TENM2: variants seen among roughly 807,000 people sequenced by gnomAD.
TENM2 encodes teneurin-2.
A neutral mutation model predicts 245.2 loss-of-function variants in TENM2; 52 were observed. That is an observed-to-expected ratio of 0.21 (90% CI 0.17 to 0.27). The LOEUF (loss-of-function observed/expected upper bound fraction) is 0.27, where lower values mean the gene tolerates loss of function less well. TENM2 is among the 10% of genes least tolerant of loss of function. TENM2 has a pLI of 1.00. For missense variants in TENM2, 3,046 were observed against 3,666.8 expected, an observed-to-expected ratio of 0.83 and a Z score of 4.37; for synonymous variants, 1,363 against 1,438.9, an observed-to-expected ratio of 0.95 and a Z score of 1.19.
chr5:167,337,103 G>A (rs1455367529), intron 1 of TENM2, among the ~76,000 whole-genome samples: 1 of 122,176 alleles, frequency 8.2e-6, no homozygotes, highest in Admixed American at 9.7e-5. Flanking sequence ...CGGCCTGGGC[G>A]ACAGAGGGAG....
intron 2 of TENM2, among the ~76,000 whole-genome samples, chr5:167,777,098 ATT>A (rs1310391112): frequency 6.6e-6 from 1 of 152,248 alleles, no homozygotes. Flanking sequence ...GGGGAGGGTT[ATT>A]AAAGACTGGC....
At chr5:167,555,042 G>A (rs566355094) in intron 2 of TENM2, among the ~76,000 whole-genome samples, 3 of 152,226 alleles carry the variant, frequency 2.0e-5, no homozygotes, top group Admixed American at 2.0e-4. Flanking sequence ...GGTACCAATT[G>A]AAGTAAACAC....
the TENM2 span, among the ~76,000 whole-genome samples, chr5:167,140,818 G>A: frequency 6.6e-6 from 1 of 152,078 alleles, no homozygotes. Context: ...CACAGGCAAT[G>A]GGGAATTCTC....
chr5:167,294,849 A>G (rs1040100773), intron 1 of TENM2, among the ~76,000 whole-genome samples: 5 of 152,232 alleles, frequency 3.3e-5, no homozygotes, highest in African/African-American at 1.2e-4. Flanking sequence ...AATTGCAAAA[A>G]TATCACGGAT....
chr5:168,215,699 T>C (rs1431660507), intron 21 of TENM2, among the ~76,000 whole-genome samples: 1 of 152,176 alleles, frequency 6.6e-6, no homozygotes, highest in Non-Finnish European at 1.5e-5. Context: ...TATTTATTTA[T>C]TTGAAGAAAA....
At chr5:167,677,990 T>G (rs1756448792) in intron 2 of TENM2, among the ~76,000 whole-genome samples, 1 of 152,090 alleles carries the variant, frequency 6.6e-6, no homozygotes, top group East Asian at 1.9e-4. Context: ...GCTAAAATCA[T>G]GATATAGAAT....
chr5:168,137,258 G>C (rs571857656), intron 12 of TENM2, among the ~76,000 whole-genome samples: 1 of 152,348 alleles, frequency 6.6e-6, no homozygotes, highest in Non-Finnish European at 1.5e-5. Flanking sequence ...AAGTTGGTTA[G>C]AGGTTGGCCC....
At chr5:167,293,024 G>A (rs1162000363) in intron 1 of TENM2, among the ~76,000 whole-genome samples, 1 of 152,228 alleles carries the variant, frequency 6.6e-6, no homozygotes, top group Non-Finnish European at 1.5e-5. Flanking sequence ...GAGTGGCAGA[G>A]AGAGACAGTC....
At chr5:167,599,362 T>G (rs77344511) in intron 2 of TENM2, among the ~76,000 whole-genome samples, 1 of 152,160 alleles carries the variant, frequency 6.6e-6, no homozygotes, top group Non-Finnish European at 1.5e-5. Flanking sequence ...ATTTTTTTTT[T>G]ACAAAACCAC....
At chr5:168,068,102 A>G (rs1210277020) in intron 7 of TENM2, among the ~76,000 whole-genome samples, 4 of 152,094 alleles carry the variant, frequency 2.6e-5, no homozygotes, top group Non-Finnish European at 5.9e-5. Flanking sequence ...GGAGACAGGA[A>G]CTGAAACTGC....
chr5:167,010,261 T>C, the TENM2 span, among the ~76,000 whole-genome samples: 1 of 152,272 alleles, frequency 6.6e-6, no homozygotes, highest in Non-Finnish European at 1.5e-5. Flanking sequence ...TGCATGCCTG[T>C]AGTCCCAGCT....
chr5:167,018,326 A>T, the TENM2 span, among the ~76,000 whole-genome samples: 1 of 152,112 alleles, frequency 6.6e-6, no homozygotes, highest in South Asian at 2.1e-4. Flanking sequence ...TTCAGGCAAC[A>T]ATAAAGCTAA....
At chr5:168,082,619 C>CCTTTCTGTTTGTTAGTTTTCCTT (rs1792104208) in intron 7 of TENM2, among the ~76,000 whole-genome samples, 2 of 152,068 alleles carry the variant, frequency 1.3e-5, no homozygotes, top group East Asian at 3.9e-4. Flanking sequence ...GTGTGGATGT[C>CCTTTCTGTTTGTTAGTTTTCCTT]CTTTCTGTTT....
intron 2 of TENM2, among the ~76,000 whole-genome samples, chr5:167,793,938 C>T (rs1426906275): frequency 1.3e-5 from 2 of 151,654 alleles, no homozygotes; most frequent in African/African-American, 4.8e-5. Context: ...TCTTCACTTT[C>T]ACTTCTGTAT....
chr5:167,719,982 T>C (rs899759908), intron 2 of TENM2, among the ~76,000 whole-genome samples: 10 of 151,940 alleles, frequency 6.6e-5, no homozygotes, highest in African/African-American at 2.4e-4. Flanking sequence ...ACACATTTTC[T>C]GTGGGTTAAA....
intron 2 of TENM2, among the ~76,000 whole-genome samples, chr5:167,395,049 G>T (rs1467912080): frequency 6.6e-6 from 1 of 152,150 alleles, no homozygotes; most frequent in Non-Finnish European, 1.5e-5. Context: ...TTTTGGTAGG[G>T]ATTGGATGCA....
intron 2 of TENM2, among the ~76,000 whole-genome samples, chr5:167,733,972 G>A (rs144877542): frequency 3.9e-5 from 6 of 152,182 alleles, no homozygotes; most frequent in Admixed American, 1.3e-4. Context: ...CGTCTCATAC[G>A]TACTAAGGAG....
chr5:167,120,177 G>A, the TENM2 span, among the ~76,000 whole-genome samples: 3 of 152,166 alleles, frequency 2.0e-5, no homozygotes, highest in Admixed American at 2.0e-4. Context: ...AATAGTGTAG[G>A]TGATTCCTTG....
At chr5:167,143,618 T>C in the TENM2 span, among the ~76,000 whole-genome samples, 1 of 152,294 alleles carries the variant, frequency 6.6e-6, no homozygotes, top group Admixed American at 6.5e-5. Flanking sequence ...GTAGCAGATT[T>C]TGAGTAGGCC....
Sources: gnomAD v4.1 joint callset for allele counts (sites outside exome capture counted in the v4.1 genomes callset) on GRCh38, gnomAD v4.1.1 for gene constraint, MANE v1.5 for transcripts, NCBI Gene and HGNC (gene_info 2026-07-23, HGNC 2026-07-21) for gene names.